The following CCAR1 variants were observed in gnomAD, a reference collection of about 807,000 sequenced individuals.
CCAR1 encodes cell division cycle and apoptosis regulator protein 1.
Under a neutral mutation model 163.8 loss-of-function variants are expected in CCAR1, and 78 were observed. That is an observed-to-expected ratio of 0.48 (90% CI 0.40 to 0.57). The LOEUF is 0.57. Ranked by LOEUF, CCAR1 falls within the 20% of genes least tolerant of loss-of-function variation. The probability of loss-of-function intolerance (pLI) is 0.00; values close to 1 mark genes in which losing one functional copy is unlikely to be tolerated. For synonymous variants in CCAR1, 443 were observed against 460.7 expected, an observed-to-expected ratio of 0.96 and a Z score of 0.49; for missense variants, 1,019 against 1,365.2, an observed-to-expected ratio of 0.75 and a Z score of 4.00.
chr10:68,724,997 G>T (rs1288675194), intron 2 of CCAR1, among the ~76,000 whole-genome samples: 2 of 152,102 alleles, frequency 1.3e-5, no homozygotes, highest in Non-Finnish European at 2.9e-5. Flanking sequence ...AGGTAGCCTG[G>T]CGTGGTGGCA....
At chr10:68,772,336 A>T (rs904332582) in intron 18 of CCAR1, among the ~76,000 whole-genome samples, 1 of 152,104 alleles carries the variant, frequency 6.6e-6, no homozygotes, top group Non-Finnish European at 1.5e-5. Context: ...TAGGAAAATT[A>T]GCTGGACATG....
rs763312463 is a variant in CCAR1 at position 68,789,696 on chromosome 10, A to AT, written c.3188-7dup. The AT allele has an allele frequency of 6.7e-6, 10 of 1,487,046 alleles. No individual in the cohort carries two copies. The highest frequency in any genetic ancestry group is 2.3e-5 in the East Asian group (1 of 43,310). The allele number at this position is 1,487,046 out of a possible 1,614,324, so 92.1% of individuals were successfully genotyped here. A position where few individuals can be genotyped will look rare whatever the true frequency, so the allele number is the denominator to read the frequency against. The stretch of plus-strand genomic sequence containing the variant: ...TAGGAAGTAAAATGTTAATTTTTGG[A>AT]TTTTTTTAAACAGATGAAGATGAAA... On this transcript the variant is annotated splice_polypyrimidine_tract_variant and intron_variant, in intron 23 of 24. Transcript: ENST00000265872.
At chr10:68,744,495 A>G (rs1209559034) in intron 6 of CCAR1, among the ~76,000 whole-genome samples, 6 of 152,184 alleles carry the variant, frequency 3.9e-5, no homozygotes, top group East Asian at 1.9e-4. Flanking sequence ...GAAAAAGTCA[A>G]TAGGATCAAG....
rs2056271222 is a variant in CCAR1 at position 68,747,437 on chromosome 10, C to A, written c.697C>A (p.Gln233Lys). The change falls in exon 8 of 25, where the codon CAG (glutamine) becomes AAG (lysine). Residue 233 changes from glutamine to lysine, a missense_variant. Physicochemically the swap from Gln to Lys is moderately conservative, Grantham distance 53. Around this residue, in one of 4 missense-constraint regions of CCAR1, gnomAD observed 644 missense variants for 904.4 expected, o/e 0.71. Coordinates refer to ENST00000265872, the MANE Select transcript of CCAR1 (RefSeq NM_018237.4). ...PPAVLQPIAPQTTFGVQTQPQ... is the reference protein window; with the variant it reads ...PPAVLQPIAPKTTFGVQTQPQ... Reference sequence around the variant, plus strand: ...TGCTGTACTTCAGCCAATTGCACCACAGACAACATTTGGTGTTCAGACTCA... The same window carrying A: ...TGCTGTACTTCAGCCAATTGCACCAAAGACAACATTTGGTGTTCAGACTCA... 6.2e-7 allele frequency: 1 copy of A among 1,613,994 alleles called. No individual in the cohort carries two copies. The highest frequency in any genetic ancestry group is 2.2e-5 in the East Asian group (1 of 44,900).
rs182929517 is a variant in CCAR1, at chr10:68,776,904, A to G, written c.2650+3805A>G. On this transcript the variant is annotated intron_variant, in intron 19 of 24. Transcript: ENST00000265872. ...TCTCATATTGAACTGTCTACTTGACACCTCCACTTAGTTATCTGGCATTTC... is the reference window on the plus strand; with the variant it reads ...TCTCATATTGAACTGTCTACTTGACGCCTCCACTTAGTTATCTGGCATTTC... 5.9e-3 allele frequency among the ~76,000 whole-genome samples: 893 copies of G among 152,236 alleles called. 5 individuals are homozygous for G. The highest frequency in any genetic ancestry group is 0.021 in the South Asian group (99 of 4,824).
chr10:68,744,335 T>C (rs890355263), intron 6 of CCAR1, among the ~76,000 whole-genome samples: 5 of 152,208 alleles, frequency 3.3e-5, no homozygotes, highest in South Asian at 2.1e-4. Context: ...ATTTTAAAAT[T>C]GTTTTTTAGC....
At chr10:68,744,416 G>T (rs1201496272) in intron 6 of CCAR1, among the ~76,000 whole-genome samples, 1 of 152,150 alleles carries the variant, frequency 6.6e-6, no homozygotes, top group East Asian at 1.9e-4. Flanking sequence ...CTTGAGGCTA[G>T]GAGTTCCAGA....
intron 2 of CCAR1, among the ~76,000 whole-genome samples, chr10:68,733,308 G>T (rs2056065448): frequency 6.6e-6 from 1 of 152,106 alleles, no homozygotes; most frequent in South Asian, 2.1e-4. Flanking sequence ...CTACTCTGGA[G>T]GCTGAGGGAG....
At chr10:68,763,739 T>C (rs541576408) in intron 16 of CCAR1, among the ~76,000 whole-genome samples, 1 of 152,318 alleles carries the variant, frequency 6.6e-6, no homozygotes, top group East Asian at 1.9e-4. Flanking sequence ...TGAGCCACCG[T>C]GCTCAGCCCT....
At chr10:68,757,262 A>G (rs561147486) in intron 14 of CCAR1, 32 bp from the exon 15 acceptor site, 3 of 1,072,830 alleles carry the variant, frequency 2.8e-6, no homozygotes, top group Admixed American at 3.9e-5. Flanking sequence ...AGGTTTCATA[A>G]TAGTAATTAC....
rs751647718 is a variant in CCAR1, at chr10:68,756,314, C to T, written c.1667C>T (p.Thr556Ile). 5.6e-6 allele frequency: 9 copies of T among 1,614,032 alleles called. No individual in the cohort carries two copies. Among genetic ancestry groups the T allele is most frequent in the African/African-American group, 1.3e-5 (1 of 75,000 alleles). ...ATTCGCTACCATCGCCCTGAGGAGA[C>T]CCACAAGGGGCGTACAGTTCCAGCT... is the stretch of plus-strand genomic sequence containing the variant. Reference protein sequence around the residue: ...AEIRYHRPEETHKGRTVPAHV... With the variant: ...AEIRYHRPEEIHKGRTVPAHV... The change falls in exon 14 of 25, where the codon ACC (threonine) becomes ATC (isoleucine). Residue 556 changes from threonine to isoleucine, a missense_variant. Thr to Ile is a moderately conservative substitution (Grantham distance 89). Coordinates refer to ENST00000265872, the MANE Select transcript of CCAR1 (RefSeq NM_018237.4). This position sits in a 1 kb window ranked among gnomAD's most constrained non-coding sequence, Gnocchi z 5.1.
chr10:68,757,578 GCTAATTTTT>G (rs1302141145), intron 15 of CCAR1, among the ~76,000 whole-genome samples: 2 of 151,804 alleles, frequency 1.3e-5, no homozygotes, highest in Non-Finnish European at 2.9e-5. Context: ...ACCACGCCTG[GCTAATTTTT>G]CTAGTTTTAG....
intron 2 of CCAR1, among the ~76,000 whole-genome samples, chr10:68,734,887 TCTC>T (rs1294714560): frequency 6.6e-6 from 1 of 152,176 alleles, no homozygotes; most frequent in African/African-American, 2.4e-5. Context: ...TTTATCATAT[TCTC>T]CTCAGTGTGT....
intron 17 of CCAR1, among the ~76,000 whole-genome samples, chr10:68,766,619 C>T (rs181348633): frequency 1.1e-3 from 169 of 152,050 alleles, no homozygotes; most frequent in African/African-American, 3.7e-3. Flanking sequence ...CTCCGCCTCC[C>T]GGGTTCAAGC....
chr10:68,723,992 C>T (rs1466666749), intron 2 of CCAR1, among the ~76,000 whole-genome samples: 1 of 150,770 alleles, frequency 6.6e-6, no homozygotes, highest in Non-Finnish European at 1.5e-5. Context: ...AACCCTGTCT[C>T]TACTAAAAAT....
intron 23 of CCAR1, 82 bp from the exon 24 acceptor site, chr10:68,789,628 T>C: frequency 1.2e-6 from 1 of 816,968 alleles, no homozygotes; most frequent in Non-Finnish European, 1.9e-6. Context: ...CTTTTTATTT[T>C]CACAGCTTAA....
chr10:68,769,380 G>T (rs1319176770), intron 17 of CCAR1, among the ~76,000 whole-genome samples: 1 of 151,986 alleles, frequency 6.6e-6, no homozygotes, highest in Non-Finnish European at 1.5e-5. Flanking sequence ...CAGCACTTCG[G>T]CAGTCTGAGG....
chr10:68,757,877 A>T (rs2056415381), intron 15 of CCAR1, among the ~76,000 whole-genome samples: 1 of 148,768 alleles, frequency 6.7e-6, no homozygotes, highest in South Asian at 2.2e-4. Flanking sequence ...AGGGGATGGG[A>T]CTATAGGCGC....
chr10:68,730,626 G>A (rs1007511209), intron 2 of CCAR1, among the ~76,000 whole-genome samples: 4 of 152,046 alleles, frequency 2.6e-5, no homozygotes, highest in East Asian at 1.9e-4. Flanking sequence ...GTGAGCCACC[G>A]CACCCAGCCA....
Sources: gnomAD v4.1 joint callset for allele counts (sites outside exome capture counted in the v4.1 genomes callset) on GRCh38, gnomAD v4.1.1 for gene constraint, gnomAD v4.1.1 regional missense constraint, Gnocchi (gnomAD v3.1) non-coding constraint, MANE v1.5 for transcripts, NCBI Gene and HGNC (gene_info 2026-07-23, HGNC 2026-07-21) for gene names.